The following LEP variants were observed in gnomAD, a reference collection of about 807,000 sequenced individuals.
LEP encodes leptin (murine obesity homolog).
LEP carries 6 observed loss-of-function variants against 9.8 expected under a neutral mutation model. The ratio of observed to expected loss-of-function variants is 0.61; its 90% CI spans 0.34 to 1.21. The LOEUF (loss-of-function observed/expected upper bound fraction) is 1.21. Ranked by LOEUF, LEP falls within the 50% of genes most tolerant of loss-of-function variation. The pLI is 0.04. For synonymous variants in LEP, 112 were observed against 81.7 expected, an observed-to-expected ratio of 1.37 and a Z score of -2.00; for missense variants, 134 against 198.1, an observed-to-expected ratio of 0.68 and a Z score of 1.94.
intron 1 of LEP, among the ~76,000 whole-genome samples, chr7:128,247,425 C>A (rs1795224275): frequency 6.6e-6 from 1 of 152,208 alleles, no homozygotes; most frequent in Non-Finnish European, 1.5e-5. Context: ...TTCTAGTCAG[C>A]CAGGCTGAAA....
intron 1 of LEP, among the ~76,000 whole-genome samples, chr7:128,244,170 G>A (rs760816818): frequency 6.6e-5 from 10 of 151,898 alleles, no homozygotes; most frequent in Admixed American, 5.3e-4. Flanking sequence ...AGAATTGCTT[G>A]AGCCCGGGAA....
intron 2 of LEP, 24 bp from the exon 3 acceptor site, chr7:128,254,380 G>T: frequency 6.2e-7 from 1 of 1,610,814 alleles, no homozygotes; most frequent in Non-Finnish European, 8.5e-7. Flanking sequence ...CTGAGCACTT[G>T]TTCTCCCTCT....
In LEP at chr7:128,244,433, A is replaced by G. The variant is rs191129878; in HGVS notation, c.-29+3127A>G. Among the ~76,000 whole-genome samples, 7 of 152,318 alleles carry G rather than the reference A, an allele frequency of 4.6e-5. No homozygotes were observed. In the East Asian group the frequency reaches 1.4e-3, roughly 29 times the overall value. On this transcript the variant is annotated intron_variant, in intron 1 of 2. Transcript: ENST00000308868. ...TTCTCAAATGAGGCTTTTGGTTGCA[A>G]ATAAGAGAAAATCACTCACGCTGGC...
At chr7:128,254,259 A>G in intron 2 of LEP, 145 bp from the exon 3 acceptor site, 1 of 1,014,766 alleles carries the variant, frequency 9.9e-7, no homozygotes. Flanking sequence ...GGTGCAGGAT[A>G]CAAGGGCCTG....
Position 128,254,822 on chromosome 7 carries a change from A to G in LEP, c.*59A>G. ...GTTAAGGGAAGGAACTCTGGCTTCCAGGTATCTCCAGGATTGAAGAGCATT... is the reference window on the plus strand; with the variant it reads ...GTTAAGGGAAGGAACTCTGGCTTCCGGGTATCTCCAGGATTGAAGAGCATT... On this transcript the variant is annotated 3_prime_UTR_variant, in exon 3 of 3. Coordinates refer to ENST00000308868, the MANE Select transcript of LEP (RefSeq NM_000230.3). The G allele has an allele frequency of 6.4e-7, 1 of 1,572,864 alleles. No individual in the cohort carries two copies. Among genetic ancestry groups the G allele is most frequent in the Non-Finnish European group, 8.6e-7 (1 of 1,158,870 alleles).
intron 1 of LEP, among the ~76,000 whole-genome samples, chr7:128,242,868 G>A (rs560330702): frequency 1.8e-4 from 27 of 152,276 alleles, no homozygotes; most frequent in African/African-American, 5.1e-4. Flanking sequence ...TCCCACCCCC[G>A]CTTAGATGCC....
chr7:128,253,992 A>G (rs1356642988), intron 2 of LEP, among the ~76,000 whole-genome samples: 1 of 152,002 alleles, frequency 6.6e-6, no homozygotes, highest in Non-Finnish European at 1.5e-5. Context: ...CTGCCTGGAA[A>G]AGCTGACTGG....
At chr7:128,244,679 G>C (rs895134331) in intron 1 of LEP, among the ~76,000 whole-genome samples, 1 of 152,172 alleles carries the variant, frequency 6.6e-6, no homozygotes, top group African/African-American at 2.4e-5. Flanking sequence ...GACAGGGAGG[G>C]CCACCAGGCC....
At chr7:128,245,348 T>C (rs1795198998) in intron 1 of LEP, among the ~76,000 whole-genome samples, 1 of 152,204 alleles carries the variant, frequency 6.6e-6, no homozygotes, top group Non-Finnish European at 1.5e-5. Flanking sequence ...CTTTGTTCTT[T>C]GGGTTCTATG....
Position 128,252,168 on chromosome 7 carries a change from G to T in LEP, c.144+6G>T. 6.2e-7 allele frequency: 1 copy of T among 1,614,132 alleles called. No individual in the cohort carries two copies. Among genetic ancestry groups the T allele is most frequent in the Non-Finnish European group, 8.5e-7 (1 of 1,180,012 alleles). On this transcript the variant is annotated splice_donor_region_variant and intron_variant, in intron 2 of 2. Transcript: ENST00000308868. ...TCAATGACATTTCACACACGGTAAG[G>T]AGAGTATGCGGGGACAAAGTAGAAC...
At chr7:128,247,514 G>T (rs1405741146) in intron 1 of LEP, among the ~76,000 whole-genome samples, 1 of 152,108 alleles carries the variant, frequency 6.6e-6, no homozygotes, top group Admixed American at 6.5e-5. Flanking sequence ...TCCAGCCCAA[G>T]CCCTCCCCGG....
At chr7:128,252,948 C>G (rs190178572) in intron 2 of LEP, among the ~76,000 whole-genome samples, 1 of 152,064 alleles carries the variant, frequency 6.6e-6, no homozygotes, top group Non-Finnish European at 1.5e-5. Context: ...TGAGGCCTCA[C>G]GTGCTTATTT....
rs907912161 is a variant in LEP at position 128,257,460 on chromosome 7, T to A, written c.*2697T>A. 3 of 150,610 alleles carry A rather than the reference T, an allele frequency of 2.0e-5. No homozygotes were observed. Among genetic ancestry groups the A allele is most frequent in the Non-Finnish European group, 4.4e-5 (3 of 67,914 alleles). The allele number at this position is 150,610 out of a possible 1,614,324, so 9.3% of individuals were successfully genotyped here. Reference sequence around the variant, plus strand: ...GGCGGGCGCCTGTAGTCCCAGCCACTCGGGAGGCTGAGACAGGAGAATCGC... The same window carrying A: ...GGCGGGCGCCTGTAGTCCCAGCCACACGGGAGGCTGAGACAGGAGAATCGC... On this transcript the variant is annotated 3_prime_UTR_variant, in exon 3 of 3. Transcript: ENST00000308868.
chr7:128,249,640 G>A (rs752456062), intron 1 of LEP, among the ~76,000 whole-genome samples: 1 of 152,150 alleles, frequency 6.6e-6, no homozygotes, highest in Non-Finnish European at 1.5e-5. Context: ...TCTATGACTG[G>A]GGAAGAACGG....
At position 128,254,714 on chromosome 7, in the gene LEP, G is replaced by A. The variant is rs779508377; in HGVS notation, c.455G>A (p.Gly152Glu). ...GTGGTGGCCCTGAGCAGGCTGCAGG[G>A]GTCTCTGCAGGACATGCTGTGGCAG... ...TEVVALSRLQ[G>E]SLQDMLWQLD... The change falls in exon 3 of 3, where the codon GGG becomes GAG. Residue 152 changes from glycine to glutamate, a missense_variant. Transcript: ENST00000308868. The A allele has an allele frequency of 8.1e-6, 13 of 1,613,260 alleles. No individual in the cohort carries two copies. Among genetic ancestry groups the A allele is most frequent in the Non-Finnish European group, 1.0e-5 (12 of 1,180,010 alleles).
intron 1 of LEP, among the ~76,000 whole-genome samples, chr7:128,246,297 A>C (rs1471596849): frequency 1.3e-5 from 2 of 151,948 alleles, no homozygotes; most frequent in Non-Finnish European, 2.9e-5. Context: ...ACAACTGCCA[A>C]GTGAGGATGG....
At position 128,254,458 on chromosome 7, in the gene LEP, C is replaced by T; in HGVS notation, c.199C>T (p.His67Tyr). ...VTGLDFIPGL[H>Y]PILTLSKMDQ... is the part of the protein sequence containing the mutation. ...CGGTTTGGACTTCATTCCTGGGCTC[C>T]ACCCCATCCTGACCTTATCCAAGAT... The change falls in exon 3 of 3, where the codon CAC becomes TAC. Residue 67 changes from histidine to tyrosine, a missense_variant. Physicochemically the swap from His to Tyr is moderately conservative, Grantham distance 83. Transcript: ENST00000308868. 1.2e-6 allele frequency: 2 copies of T among 1,614,048 alleles called. No homozygotes were observed. Among genetic ancestry groups the T allele is most frequent in the Non-Finnish European group, 1.7e-6 (2 of 1,179,984 alleles).
At chr7:128,250,137 A>G (rs1237612867) in intron 1 of LEP, among the ~76,000 whole-genome samples, 1 of 152,176 alleles carries the variant, frequency 6.6e-6, no homozygotes, top group Admixed American at 6.5e-5. Context: ...CTGCAGCTGG[A>G]GCCGCAGAGC....
At chr7:128,254,062 T>C (rs957124138) in intron 2 of LEP, among the ~76,000 whole-genome samples, 3 of 152,124 alleles carry the variant, frequency 2.0e-5, no homozygotes, top group Non-Finnish European at 2.9e-5. Context: ...GGGGTGCTTA[T>C]GGAGGACCTC....
Sources: gnomAD v4.1 joint callset for allele counts (sites outside exome capture counted in the v4.1 genomes callset) on GRCh38, gnomAD v4.1.1 for gene constraint, MANE v1.5 for transcripts, NCBI Gene and HGNC (gene_info 2026-07-23, HGNC 2026-07-21) for gene names.